AGMO: variants seen among roughly 807,000 people sequenced by gnomAD.
AGMO encodes glyceryl-ether monooxygenase.
A neutral mutation model predicts 60.2 loss-of-function variants in AGMO; 75 were observed. That is an observed-to-expected ratio of 1.25 (90% CI 1.03 to 1.51). AGMO has a LOEUF of 1.51. Among genes scored for constraint, AGMO ranks in the 40% most tolerant of loss-of-function variants. The probability of loss-of-function intolerance (pLI) is 0.00; values close to 1 mark genes in which losing one functional copy is unlikely to be tolerated. For missense variants in AGMO, 763 were observed against 525.5 expected, an observed-to-expected ratio of 1.45 and a Z score of -4.42; for synonymous variants, 261 against 177.1, an observed-to-expected ratio of 1.47 and a Z score of -3.76.
At chr7:15,279,619 T>C (rs1410550504) in intron 12 of AGMO, among the ~76,000 whole-genome samples, 2 of 152,130 alleles carry the variant, frequency 1.3e-5, no homozygotes, top group Non-Finnish European at 2.9e-5. Context: ...CTGTGAACTT[T>C]TTTTCCAAGC....
At chr7:15,520,453 A>T (rs1284209390) in intron 3 of AGMO, among the ~76,000 whole-genome samples, 2 of 152,138 alleles carry the variant, frequency 1.3e-5, no homozygotes, top group Non-Finnish European at 2.9e-5. Flanking sequence ...TGGAAGTAAA[A>T]CACTCCTCAG....
At chr7:15,240,111 A>G (rs1466127400) in intron 12 of AGMO, among the ~76,000 whole-genome samples, 1 of 152,134 alleles carries the variant, frequency 6.6e-6, no homozygotes, top group Non-Finnish European at 1.5e-5. Flanking sequence ...ATCAAGCTAC[A>G]TCAAAGGGGT....
At chr7:15,209,118 C>T (rs1034625369) in intron 12 of AGMO, among the ~76,000 whole-genome samples, 1 of 152,126 alleles carries the variant, frequency 6.6e-6, no homozygotes, top group Non-Finnish European at 1.5e-5. Context: ...ATTTCCTCCC[C>T]AATCCTGTTA....
At chr7:15,354,679 G>C (rs899685026) in intron 12 of AGMO, among the ~76,000 whole-genome samples, 2 of 149,292 alleles carry the variant, frequency 1.3e-5, no homozygotes, top group Non-Finnish European at 3.0e-5. Flanking sequence ...TTTTTAAGTG[G>C]CGGGATACTC....
intron 3 of AGMO, among the ~76,000 whole-genome samples, chr7:15,433,479 C>A (rs1299365304): frequency 6.6e-6 from 1 of 151,906 alleles, no homozygotes; most frequent in Non-Finnish European, 1.5e-5. Flanking sequence ...AGTCTATATT[C>A]AGCTTATTGG....
chr7:15,345,008 G>A (rs533688243), intron 12 of AGMO, among the ~76,000 whole-genome samples: 4 of 152,042 alleles, frequency 2.6e-5, no homozygotes, highest in East Asian at 1.9e-4. Flanking sequence ...GACTGTCCTC[G>A]TTCAAGCCAC....
intron 12 of AGMO, among the ~76,000 whole-genome samples, chr7:15,293,051 C>T (rs996409790): frequency 3.3e-5 from 5 of 152,116 alleles, no homozygotes; most frequent in African/African-American, 4.8e-5. Context: ...GTGTGAGCCA[C>T]TGCATCCGGC....
chr7:15,222,829 A>G (rs1781961626), intron 12 of AGMO, among the ~76,000 whole-genome samples: 1 of 151,992 alleles, frequency 6.6e-6, no homozygotes. Context: ...TACCCCATAT[A>G]CTTTAGTGTT....
chr7:15,509,374 A>AG (rs1783612020), intron 3 of AGMO, among the ~76,000 whole-genome samples: 1 of 151,128 alleles, frequency 6.6e-6, no homozygotes, highest in Non-Finnish European at 1.5e-5. Context: ...CCACATGCAA[A>AG]AAAAAAAATA....
intron 12 of AGMO, among the ~76,000 whole-genome samples, chr7:15,354,256 A>G (rs147939974): frequency 6.1e-5 from 9 of 148,602 alleles, no homozygotes; most frequent in African/African-American, 2.0e-4. Flanking sequence ...AACAGTAAAA[A>G]ATGTGTACAT....
At chr7:15,139,389 G>C in the AGMO span, among the ~76,000 whole-genome samples, 1 of 151,954 alleles carries the variant, frequency 6.6e-6, no homozygotes. Flanking sequence ...AGGTTCCAGG[G>C]GACATGTGCA....
At chr7:15,271,830 A>G (rs565918564) in intron 12 of AGMO, among the ~76,000 whole-genome samples, 1 of 152,192 alleles carries the variant, frequency 6.6e-6, no homozygotes, top group South Asian at 2.1e-4. Context: ...TATTCTTTCG[A>G]GATATTTTTC....
chr7:15,337,871 CA>C (rs1189990403), intron 12 of AGMO, among the ~76,000 whole-genome samples: 1 of 152,104 alleles, frequency 6.6e-6, no homozygotes, highest in Non-Finnish European at 1.5e-5. Flanking sequence ...CTGTGACTAG[CA>C]AAAGGAAGCT....
At chr7:15,349,031 A>G (rs988530838) in intron 12 of AGMO, among the ~76,000 whole-genome samples, 13 of 152,070 alleles carry the variant, frequency 8.5e-5, no homozygotes, top group South Asian at 2.1e-4. Flanking sequence ...TATTTCTATG[A>G]GTGACACCTC....
chr7:15,546,688 A>C (rs567067148), intron 2 of AGMO, among the ~76,000 whole-genome samples: 7 of 152,332 alleles, frequency 4.6e-5, no homozygotes, highest in South Asian at 4.1e-4. Context: ...AAGGGTTCCC[A>C]AAGTGTTGTG....
chr7:15,164,858 T>C, the AGMO span, among the ~76,000 whole-genome samples: 178 of 152,198 alleles, frequency 1.2e-3, no homozygotes, highest in African/African-American at 3.9e-3. Context: ...AATAAAAATG[T>C]AACTACCATT....
chr7:15,208,963 C>T (rs1354452834), intron 12 of AGMO, among the ~76,000 whole-genome samples: 1 of 152,154 alleles, frequency 6.6e-6, no homozygotes, highest in Non-Finnish European at 1.5e-5. Flanking sequence ...TTTTCTAATA[C>T]CTTTTATTAC....
At chr7:15,178,115 T>C in the AGMO span, among the ~76,000 whole-genome samples, 1 of 152,182 alleles carries the variant, frequency 6.6e-6, no homozygotes, top group Non-Finnish European at 1.5e-5. Flanking sequence ...TGGGACATCC[T>C]GGTACTGCCC....
intron 12 of AGMO, among the ~76,000 whole-genome samples, chr7:15,294,865 G>T (rs1784368917): frequency 6.6e-6 from 1 of 151,838 alleles, no homozygotes; most frequent in Non-Finnish European, 1.5e-5. Flanking sequence ...CAACTGAAAA[G>T]TCATGAAATT....
Sources: gnomAD v4.1 joint callset for allele counts (sites outside exome capture counted in the v4.1 genomes callset) on GRCh38, gnomAD v4.1.1 for gene constraint, MANE v1.5 for transcripts, NCBI Gene and HGNC (gene_info 2026-07-23, HGNC 2026-07-21) for gene names.